Variants in LPCAT3 observed in about 807,000 individuals in gnomAD.
LPCAT3 encodes the protein lysophospholipid acyltransferase 5.
In LPCAT3, 21 loss-of-function variants were observed where a neutral mutation model predicts 63.4. The ratio of observed to expected loss-of-function variants is 0.33; its 90% CI spans 0.23 to 0.48. The LOEUF (loss-of-function observed/expected upper bound fraction) is 0.48, where lower values mean the gene tolerates loss of function less well. LPCAT3 is among the 20% of genes least tolerant of loss of function. The pLI, the probability that LPCAT3 is intolerant of heterozygous loss-of-function variation, is 0.99. For missense variants in LPCAT3, 451 were observed against 590.6 expected (o/e 0.76, Z 2.45); for synonymous variants, 242 against 227.5 (o/e 1.06, Z -0.58).
intron 1 of LPCAT3, among the ~76,000 whole-genome samples, chr12:6,994,463 G>A (rs782667223): frequency 5.3e-5 from 8 of 151,646 alleles, no homozygotes; most frequent in African/African-American, 1.5e-4. Flanking sequence ...CTGCCTTGGC[G>A]TCCCAAAGTG....
intron 8 of LPCAT3, 39 bp downstream of exon 8, chr12:6,978,564 C>G (rs1555153634): frequency 6.2e-7 from 1 of 1,613,200 alleles, no homozygotes; most frequent in African/African-American, 1.3e-5. Flanking sequence ...GCCCCCATGG[C>G]TTGTCTAAAT....
At chr12:6,984,525 A>G (rs1272685622) in intron 1 of LPCAT3, among the ~76,000 whole-genome samples, 1 of 152,166 alleles carries the variant, frequency 6.6e-6, no homozygotes, top group African/African-American at 2.4e-5. Context: ...CATTCTGCCT[A>G]TTCTTTCATT....
Position 6,978,369 on chromosome 12 carries a change from T to C in LPCAT3, c.1012A>G (p.Asn338Asp). 6.2e-7 allele frequency: 1 copy of C among 1,612,702 alleles called. No homozygotes were observed. Among genetic ancestry groups the C allele is most frequent in the Non-Finnish European group, 8.5e-7 (1 of 1,179,378 alleles). Residue 338 changes from asparagine to aspartate, a missense_variant, in exon 9 of 13, where the codon AAC becomes GAC. Around this residue, in one of 3 missense-constraint regions of LPCAT3, gnomAD observed 304 missense variants for 390.8 expected, o/e 0.78. Transcript: ENST00000261407. Reference sequence around the variant, plus strand: ...GCCACCCAGGCGTTGGTGTTGATGTTGAATGAGGCAATGGTGCCAGTGAAG... The same window carrying C: ...GCCACCCAGGCGTTGGTGTTGATGTCGAATGAGGCAATGGTGCCAGTGAAG... ...PRFTGTIASF[N>D]INTNAWVARY...
intron 1 of LPCAT3, among the ~76,000 whole-genome samples, chr12:7,002,919 G>A (rs957992375): frequency 6.6e-6 from 1 of 152,138 alleles, no homozygotes; most frequent in Admixed American, 6.5e-5. Context: ...TGAGGCAGGA[G>A]AATCACTTGA....
At chr12:7,001,321 TTC>T in intron 1 of LPCAT3, 1 of 408,502 alleles carries the variant, frequency 2.4e-6, no homozygotes, top group Non-Finnish European at 4.8e-6. Flanking sequence ...TATTTTTGTA[TTC>T]TTTTTCTTAA....
At chr12:6,978,256 G>T in intron 9 of LPCAT3, 85 bp downstream of exon 9, 1 of 1,469,996 alleles carries the variant, frequency 6.8e-7, no homozygotes, top group Non-Finnish European at 9.2e-7. Flanking sequence ...GACGCATAGG[G>T]GTGACATGGT....
chr12:6,985,669 C>T lies in LPCAT3; in HGVS notation c.152-2130G>A, dbSNP rs1237906726. The stretch of plus-strand genomic sequence containing the variant: ...GGCAGAGTTTGCAGTGAGCTGAGAT[C>T]GTGCCATTGCACTCCAGCTTGGGCA... On this transcript the variant is annotated intron_variant, in intron 1 of 12. Transcript: ENST00000261407. Among the ~76,000 whole-genome samples the T allele has an allele frequency of 6.0e-5, 9 of 151,128 alleles. 1 individual carries two copies. The highest frequency in any genetic ancestry group is 2.0e-4 in the East Asian group (1 of 5,058).
intron 2 of LPCAT3, 56 bp downstream of exon 2, chr12:6,983,366 TTGTTCAAGTC>T: frequency 1.9e-6 from 2 of 1,052,238 alleles, no homozygotes; most frequent in South Asian, 2.7e-5. Context: ...CAAGGAAATT[TTGTTCAAGTC>T]TGTTCCTTCC....
At chr12:7,003,853 C>T (rs374719007) in intron 1 of LPCAT3, among the ~76,000 whole-genome samples, 18 of 144,108 alleles carry the variant, frequency 1.2e-4, no homozygotes, top group East Asian at 2.2e-4. Context: ...ACCCGGGAAG[C>T]GGAGCTTGCA....
intron 1 of LPCAT3, among the ~76,000 whole-genome samples, chr12:7,004,095 A>AT (rs782818663): frequency 2.7e-4 from 41 of 152,314 alleles, no homozygotes; most frequent in African/African-American, 9.6e-4. Context: ...ACTCTACACT[A>AT]TATTTGTGAA....
chr12:7,009,542 A>G (rs1463889060), intron 1 of LPCAT3, among the ~76,000 whole-genome samples: 1 of 152,230 alleles, frequency 6.6e-6, no homozygotes, highest in Admixed American at 6.5e-5. Context: ...AGACCAAAGA[A>G]TCTGCATTTC....
At chr12:6,991,251 G>C (rs1485181516) in intron 1 of LPCAT3, among the ~76,000 whole-genome samples, 1 of 152,166 alleles carries the variant, frequency 6.6e-6, no homozygotes, top group Non-Finnish European at 1.5e-5. Context: ...GACAGAGAAA[G>C]TATCTGCATT....
At chr12:6,979,002 A>G (rs1946440075) in intron 7 of LPCAT3, 1 of 329,220 alleles carries the variant, frequency 3.0e-6, no homozygotes, top group Non-Finnish European at 5.6e-6. Context: ...AGGGGCCCAT[A>G]TTGGATTTTA....
chr12:6,986,638 C>T (rs1565599980), intron 1 of LPCAT3, among the ~76,000 whole-genome samples: 1 of 151,664 alleles, frequency 6.6e-6, no homozygotes, highest in African/African-American at 2.4e-5. Flanking sequence ...AAAAAATTAG[C>T]TGGGCATGGT....
At chr12:7,003,623 A>G (rs1555156679) in intron 1 of LPCAT3, among the ~76,000 whole-genome samples, 1 of 152,124 alleles carries the variant, frequency 6.6e-6, no homozygotes, top group African/African-American at 2.4e-5. Context: ...TATCATGCAT[A>G]AGAATTACCT....
chr12:7,007,999 T>C (rs1484814544), intron 1 of LPCAT3, among the ~76,000 whole-genome samples: 1 of 152,108 alleles, frequency 6.6e-6, no homozygotes, highest in Non-Finnish European at 1.5e-5. Flanking sequence ...TATTATACAC[T>C]TGGTTCTTAT....
At chr12:6,996,815 G>C (rs1177591752) in intron 1 of LPCAT3, among the ~76,000 whole-genome samples, 1 of 152,212 alleles carries the variant, frequency 6.6e-6, no homozygotes, top group Non-Finnish European at 1.5e-5. Context: ...GACCACAGTG[G>C]TCGGGAGAAG....
intron 4 of LPCAT3, 80 bp downstream of exon 4, chr12:6,981,731 A>AGGGGGGGGGGG: frequency 1.4e-5 from 3 of 210,732 alleles, no homozygotes; most frequent in Non-Finnish European, 2.6e-5. Context: ...CGGGGGGCGG[A>AGGGGGGGGGGG]GGGGGGGTGC....
rs143854437 is a variant in LPCAT3, at chr12:6,981,171, G to A, written c.510C>T (p.Ser170=). 6.5e-5 allele frequency: 105 copies of A among 1,607,886 alleles called. No individual in the cohort carries two copies. In the African/African-American group the frequency reaches 1.2e-3, roughly 19 times the overall value. Residue 170 remains serine (S), a synonymous_variant, in exon 6 of 13, where the codon TCC becomes TCT. Transcript: ENST00000261407. ...GTATGGCATATTTCTGTTGCTCAGA[G>A]GACAAGGAATTCTATGCCAAGAAGA... ...FDGGKDQNSL[S]SEQQKYAIRG... is the part of the protein sequence containing the mutation.
Sources: allele counts gnomAD v4.1 joint callset (sites outside exome capture counted in the v4.1 genomes callset), GRCh38; gene constraint gnomAD v4.1.1; regional missense constraint gnomAD v4.1.1; transcripts MANE v1.5; gene names NCBI Gene and HGNC (gene_info 2026-07-23, HGNC 2026-07-21).